The following CCDC91 variants were observed in gnomAD, a reference collection of about 807,000 sequenced individuals.
The protein encoded by CCDC91 is coiled-coil domain containing 91.
Under a neutral mutation model 63.2 loss-of-function variants are expected in CCDC91, and 48 were observed. The ratio of observed to expected loss-of-function variants is 0.76; its 90% CI spans 0.60 to 0.97. The LOEUF (loss-of-function observed/expected upper bound fraction) is 0.97, where lower values mean the gene tolerates loss of function less well. Among genes scored for constraint, CCDC91 ranks in the 50% least tolerant of loss-of-function variants. The pLI is 0.00. For synonymous variants in CCDC91, 167 were observed against 165.8 expected (o/e 1.01, Z -0.06); for missense variants, 500 against 494.6 (o/e 1.01, Z -0.10).
At chr12:28,305,182 C>A (rs1938576429) in intron 3 of CCDC91, among the ~76,000 whole-genome samples, 1 of 151,990 alleles carries the variant, frequency 6.6e-6, no homozygotes, top group South Asian at 2.1e-4. Context: ...AGTCATAAAG[C>A]CATTGAGTAC....
chr12:28,528,464 C>A (rs1278116707), intron 12 of CCDC91, among the ~76,000 whole-genome samples: 2 of 152,198 alleles, frequency 1.3e-5, no homozygotes, highest in African/African-American at 2.4e-5. Context: ...AGTTTGGGCA[C>A]CCACAGTATT....
chr12:28,497,618 T>C (rs940156212), intron 12 of CCDC91, among the ~76,000 whole-genome samples: 1 of 151,614 alleles, frequency 6.6e-6, no homozygotes, highest in African/African-American at 2.4e-5. Context: ...CAGGATAAGC[T>C]GTATATCCAG....
chr12:28,254,987 G>C (rs1002547030), intron 1 of CCDC91, among the ~76,000 whole-genome samples: 1 of 152,014 alleles, frequency 6.6e-6, no homozygotes, highest in African/African-American at 2.4e-5. Flanking sequence ...TGACCAGGCT[G>C]GTCTTGAACT....
intron 6 of CCDC91, among the ~76,000 whole-genome samples, chr12:28,338,024 A>G (rs1448445003): frequency 6.6e-6 from 1 of 152,188 alleles, no homozygotes; most frequent in Admixed American, 6.5e-5. Context: ...AACCCAAGAG[A>G]CAGAAGTCTT....
chr12:28,198,582 A>G (rs547879023), intron 1 of CCDC91, among the ~76,000 whole-genome samples: 8 of 152,218 alleles, frequency 5.3e-5, no homozygotes, highest in South Asian at 4.1e-4. Context: ...ATGAATACCT[A>G]TTTTCCATTT....
At chr12:28,483,640 T>G (rs1951562333) in intron 11 of CCDC91, among the ~76,000 whole-genome samples, 1 of 152,096 alleles carries the variant, frequency 6.6e-6, no homozygotes, top group Admixed American at 6.6e-5. Context: ...CACACTTGAT[T>G]ATTGTGTGAT....
At chr12:28,522,416 A>G (rs544597470) in intron 12 of CCDC91, among the ~76,000 whole-genome samples, 18 of 152,176 alleles carry the variant, frequency 1.2e-4, no homozygotes, top group African/African-American at 4.3e-4. Context: ...ATCGGTGGTG[A>G]TAACCCCTTT....
chr12:28,440,196 C>T (rs1468120655), intron 8 of CCDC91, among the ~76,000 whole-genome samples: 1 of 152,122 alleles, frequency 6.6e-6, no homozygotes, highest in Non-Finnish European at 1.5e-5. Context: ...GAAAACAAAG[C>T]AATATTAACT....
rs34854850 is a variant in CCDC91, at chr12:28,264,585, C to CTGTGTGTGTGTGTGTGTGTGTG, written c.109+5157_109+5178dup. ...TAGGCACATATATATATATGTCTGTCTGTGTGTGTGTGTGTGTGTGTGTGT... is the reference window on the plus strand; with the variant it reads ...TAGGCACATATATATATATGTCTGTCTGTGTGTGTGTGTGTGTGTGTGTGTGTGTGTGTGTGTGTGTGTGTGT... On this transcript the variant is annotated intron_variant, in intron 3 of 12. Transcript: ENST00000536442. 1.1e-4 allele frequency among the ~76,000 whole-genome samples: 15 copies of CTGTGTGTGTGTGTGTGTGTGTG among 137,314 alleles called. No individual in the cohort carries two copies. In the East Asian group the frequency reaches 2.6e-3, roughly 24 times the overall value. The allele number at this position is 137,314 out of a possible 152,430, so 90.1% of individuals were successfully genotyped here. A position where few individuals can be genotyped will look rare whatever the true frequency, so the allele number is the denominator to read the frequency against.
intron 1 of CCDC91, among the ~76,000 whole-genome samples, chr12:28,238,728 C>G (rs560952201): frequency 1.4e-3 from 217 of 152,148 alleles, no homozygotes; most frequent in Non-Finnish European, 2.7e-3. Flanking sequence ...ATAATAGAAT[C>G]TTAGTAGTCA....
chr12:28,481,354 C>T (rs1241439690), intron 11 of CCDC91, among the ~76,000 whole-genome samples: 2 of 151,836 alleles, frequency 1.3e-5, no homozygotes, highest in Non-Finnish European at 2.9e-5. Flanking sequence ...GTCAGTAGTT[C>T]CAAGGTTGAG....
At chr12:28,379,361 G>C (rs1475650113) in intron 7 of CCDC91, among the ~76,000 whole-genome samples, 1 of 151,158 alleles carries the variant, frequency 6.6e-6, no homozygotes, top group Non-Finnish European at 1.5e-5. Flanking sequence ...AGAGTGAAGA[G>C]GCAACCTACA....
At chr12:28,388,774 CA>C (rs1287641549) in intron 7 of CCDC91, among the ~76,000 whole-genome samples, 2 of 152,074 alleles carry the variant, frequency 1.3e-5, no homozygotes, top group African/African-American at 4.8e-5. Flanking sequence ...CCCTTTTCAA[CA>C]AATGGTGCTG....
At chr12:28,477,309 G>T (rs1487202207) in intron 11 of CCDC91, among the ~76,000 whole-genome samples, 1 of 152,116 alleles carries the variant, frequency 6.6e-6, no homozygotes. Context: ...TGCAAGGCTG[G>T]TTCAACATAT....
At chr12:28,224,240 C>CA (rs1161079641) in intron 1 of CCDC91, among the ~76,000 whole-genome samples, 5 of 152,124 alleles carry the variant, frequency 3.3e-5, no homozygotes, top group Non-Finnish European at 7.4e-5. Flanking sequence ...TATCCAGAGT[C>CA]ATCCCATATG....
intron 7 of CCDC91, among the ~76,000 whole-genome samples, chr12:28,380,283 C>G (rs996600903): frequency 7.2e-5 from 11 of 152,004 alleles, no homozygotes; most frequent in African/African-American, 2.7e-4. Context: ...TGTATCAAAC[C>G]TGTACCTTGT....
intron 1 of CCDC91, among the ~76,000 whole-genome samples, chr12:28,201,548 G>A (rs9756782): frequency 1.4e-5 from 2 of 141,754 alleles, no homozygotes; most frequent in African/African-American, 5.2e-5. Context: ...TCCAGACTGG[G>A]CAGCCAGGCA....
chr12:28,548,677 A>G (rs1943144573), intron 12 of CCDC91, among the ~76,000 whole-genome samples: 1 of 152,074 alleles, frequency 6.6e-6, no homozygotes, highest in South Asian at 2.1e-4. Context: ...GTATGATGTG[A>G]TTATGCTGTG....
At chr12:28,359,169 C>T (rs969643797) in intron 6 of CCDC91, among the ~76,000 whole-genome samples, 4 of 151,994 alleles carry the variant, frequency 2.6e-5, no homozygotes, top group Non-Finnish European at 5.9e-5. Context: ...GCTGGGATTA[C>T]GGGCGTGAGC....
Sources: allele counts gnomAD v4.1 joint callset (sites outside exome capture counted in the v4.1 genomes callset), GRCh38; gene constraint gnomAD v4.1.1; transcripts MANE v1.5; gene names NCBI Gene and HGNC (gene_info 2026-07-23, HGNC 2026-07-21).